The following MCTP1 variants were observed in gnomAD, a reference collection of about 807,000 sequenced individuals.
The protein encoded by MCTP1 is multiple C2 and transmembrane domain containing 1.
MCTP1 carries 69 observed loss-of-function variants against 120.6 expected under a neutral mutation model. The ratio of observed to expected loss-of-function variants is 0.57; its 90% CI spans 0.47 to 0.70. The LOEUF (loss-of-function observed/expected upper bound fraction) is 0.70. MCTP1 is among the 30% of genes least tolerant of loss of function. The pLI, the probability that MCTP1 is intolerant of heterozygous loss-of-function variation, is 0.00. For missense variants in MCTP1, 1,203 were observed against 1,248.8 expected (o/e 0.96, Z 0.55); for synonymous variants, 529 against 493.1 (o/e 1.07, Z -0.96).
intron 1 of MCTP1, among the ~76,000 whole-genome samples, chr5:95,058,892 G>A (rs1441301030): frequency 6.6e-6 from 1 of 152,094 alleles, no homozygotes; most frequent in Non-Finnish European, 1.5e-5. Context: ...CCAGAGCTGG[G>A]TCTACTCAAC....
At chr5:95,089,274 G>C (rs1215523720) in intron 1 of MCTP1, among the ~76,000 whole-genome samples, 1 of 152,104 alleles carries the variant, frequency 6.6e-6, no homozygotes. Context: ...TAAATCCTAG[G>C]AGGTAAACAT....
At chr5:94,907,748 C>T (rs1012202430) in intron 10 of MCTP1, among the ~76,000 whole-genome samples, 4 of 146,720 alleles carry the variant, frequency 2.7e-5, no homozygotes, top group African/African-American at 1.0e-4. Flanking sequence ...AAATTCTTAC[C>T]AAAGGAAAAA....
At chr5:94,775,585 C>T (rs1010197927) in intron 19 of MCTP1, among the ~76,000 whole-genome samples, 2 of 152,122 alleles carry the variant, frequency 1.3e-5, no homozygotes. Flanking sequence ...TCAGAGAATG[C>T]TCTATAACAA....
At chr5:95,249,343 TG>T (rs1383538681) in intron 1 of MCTP1, among the ~76,000 whole-genome samples, 3 of 151,596 alleles carry the variant, frequency 2.0e-5, no homozygotes, top group Non-Finnish European at 4.4e-5. Context: ...AGAAAGTGGG[TG>T]AAAGATATGA....
intron 19 of MCTP1, among the ~76,000 whole-genome samples, chr5:94,746,875 A>G (rs1003697063): frequency 1.3e-5 from 2 of 152,208 alleles, no homozygotes; most frequent in Non-Finnish European, 2.9e-5. Context: ...TTGCGTCAGT[A>G]TATTTTGCTG....
chr5:95,074,423 G>T (rs971045073), intron 1 of MCTP1, among the ~76,000 whole-genome samples: 9 of 152,178 alleles, frequency 5.9e-5, no homozygotes, highest in Non-Finnish European at 1.0e-4. Flanking sequence ...GATGACAAAG[G>T]TATAATTAAT....
At chr5:94,894,563 A>G in intron 11 of MCTP1, 86 bp downstream of exon 11, 1 of 1,014,794 alleles carries the variant, frequency 9.9e-7, no homozygotes, top group Non-Finnish European at 1.4e-6. Context: ...ACAACTTCTC[A>G]GAAGTACTTC....
intron 2 of MCTP1, among the ~76,000 whole-genome samples, chr5:94,961,346 A>C (rs1275124583): frequency 1.3e-5 from 2 of 152,038 alleles, no homozygotes; most frequent in African/African-American, 4.8e-5. Flanking sequence ...GGGTGCAGCA[A>C]ACCACCCTAT....
At chr5:94,874,572 AAT>A (rs1389428045) in intron 12 of MCTP1, among the ~76,000 whole-genome samples, 1 of 152,150 alleles carries the variant, frequency 6.6e-6, no homozygotes, top group Admixed American at 6.5e-5. Context: ...AACAATTTTA[AAT>A]AAAGAATAGA....
At chr5:95,222,269 C>A (rs1433275485) in intron 1 of MCTP1, among the ~76,000 whole-genome samples, 1 of 152,150 alleles carries the variant, frequency 6.6e-6, no homozygotes, top group Non-Finnish European at 1.5e-5. Flanking sequence ...CATGGCTATG[C>A]CTAGCTGCAA....
At chr5:95,202,483 T>C (rs1403382402) in intron 1 of MCTP1, among the ~76,000 whole-genome samples, 1 of 152,216 alleles carries the variant, frequency 6.6e-6, no homozygotes, top group Non-Finnish European at 1.5e-5. Flanking sequence ...ATCTTATCTA[T>C]TGATTGATTT....
At chr5:94,846,364 G>A (rs1792354776) in intron 17 of MCTP1, among the ~76,000 whole-genome samples, 1 of 152,064 alleles carries the variant, frequency 6.6e-6, no homozygotes, top group South Asian at 2.1e-4. Flanking sequence ...CATGGATGGA[G>A]CTGGAGGCCA....
chr5:95,138,805 T>C (rs913319291), intron 1 of MCTP1, among the ~76,000 whole-genome samples: 3 of 152,360 alleles, frequency 2.0e-5, no homozygotes, highest in Non-Finnish European at 4.4e-5. Context: ...GCCTCTAGTG[T>C]GCAAAGTACA....
At chr5:95,068,915 C>G in intron 1 of MCTP1, 1 of 599,996 alleles carries the variant, frequency 1.7e-6, no homozygotes, top group Non-Finnish European at 2.4e-6. Context: ...TAGCTAAAAG[C>G]GAATTAGGCT....
intron 6 of MCTP1, among the ~76,000 whole-genome samples, chr5:94,928,044 GA>G (rs1813603430): frequency 6.6e-6 from 1 of 152,002 alleles, no homozygotes; most frequent in Admixed American, 6.6e-5. Context: ...TTTTCTGAAA[GA>G]AAAACTATTC....
intron 15 of MCTP1, 149 bp from the exon 16 acceptor site, chr5:94,870,640 T>C (rs1286778677): frequency 1.2e-5 from 8 of 688,548 alleles, no homozygotes; most frequent in Non-Finnish European, 1.8e-5. Flanking sequence ...TGCACATGCA[T>C]GCGCTTCCCT....
intron 1 of MCTP1, among the ~76,000 whole-genome samples, chr5:95,192,461 C>A (rs1749929327): frequency 6.6e-6 from 1 of 151,914 alleles, no homozygotes. Context: ...ATTTTCTGTG[C>A]CAACTTCTAG....
intron 17 of MCTP1, among the ~76,000 whole-genome samples, chr5:94,822,319 C>T (rs1182002109): frequency 6.6e-6 from 1 of 152,118 alleles, no homozygotes; most frequent in African/African-American, 2.4e-5. Flanking sequence ...GTTTGGTTTT[C>T]TGTTCCTGTG....
chr5:94,813,521 G>A (rs752752627), intron 17 of MCTP1, among the ~76,000 whole-genome samples: 2 of 152,078 alleles, frequency 1.3e-5, no homozygotes, highest in Non-Finnish European at 2.9e-5. Flanking sequence ...GTGCATTGCA[G>A]CATTATTCAT....
Sources: allele counts gnomAD v4.1 joint callset (sites outside exome capture counted in the v4.1 genomes callset), GRCh38; gene constraint gnomAD v4.1.1; transcripts MANE v1.5; gene names NCBI Gene and HGNC (gene_info 2026-07-23, HGNC 2026-07-21).